Variants in TRPM3 observed in about 807,000 individuals in gnomAD.
The protein encoded by TRPM3 is transient receptor potential cation channel subfamily M member 3.
In TRPM3, 77 loss-of-function variants were observed where a neutral mutation model predicts 181.2. The ratio of observed to expected loss-of-function variants is 0.42; its 90% CI spans 0.35 to 0.51. The LOEUF (loss-of-function observed/expected upper bound fraction) is 0.51. TRPM3 is among the 20% of genes least tolerant of loss of function. TRPM3 has a pLI of 0.01. For synonymous variants in TRPM3, 745 were observed against 796.4 expected (o/e 0.94, Z 1.09); for missense variants, 1,759 against 2,196.7 (o/e 0.80, Z 3.98).
chr9:70,807,720 T>TCCTATA (rs2091010110), intron 6 of TRPM3, among the ~76,000 whole-genome samples: 2 of 152,056 alleles, frequency 1.3e-5, no homozygotes, highest in Non-Finnish European at 2.9e-5. Context: ...TGAAGGCAGA[T>TCCTATA]GGGAGACTAT....
chr9:70,938,670 C>A (rs2096853546), intron 1 of TRPM3, among the ~76,000 whole-genome samples: 1 of 152,006 alleles, frequency 6.6e-6, no homozygotes, highest in Non-Finnish European at 1.5e-5. Context: ...ACATTCATTT[C>A]TTTTGGGCGC....
chr9:71,146,862 A>G (rs2075435772), intron 1 of TRPM3, among the ~76,000 whole-genome samples: 1 of 152,176 alleles, frequency 6.6e-6, no homozygotes, highest in South Asian at 2.1e-4. Flanking sequence ...TAATCATGCA[A>G]CCCAAACTGG....
chr9:71,133,852 CACTT>C (rs2134478219), intron 1 of TRPM3, among the ~76,000 whole-genome samples: 1 of 152,278 alleles, frequency 6.6e-6, no homozygotes, highest in African/African-American at 2.4e-5. Context: ...CACAGACAAA[CACTT>C]ACTTACATAT....
At chr9:70,612,999 TGTG>T (rs1266362334) in intron 18 of TRPM3, among the ~76,000 whole-genome samples, 1 of 152,164 alleles carries the variant, frequency 6.6e-6, no homozygotes, top group Non-Finnish European at 1.5e-5. Context: ...TCTGTGGACT[TGTG>T]GGGACTTTAT....
intron 7 of TRPM3, among the ~76,000 whole-genome samples, chr9:70,764,420 C>T (rs1196082009): frequency 1.3e-5 from 2 of 152,160 alleles, no homozygotes; most frequent in Non-Finnish European, 2.9e-5. Context: ...TTTTCTACTA[C>T]CAACCATCTG....
chr9:71,094,090 TG>T (rs951307047), intron 1 of TRPM3, among the ~76,000 whole-genome samples: 1 of 3,766 alleles, frequency 2.7e-4, no homozygotes, highest in African/African-American at 1.2e-3. Flanking sequence ...CTGTCAGGGG[TG>T]GGGGTGGGGG....
intron 1 of TRPM3, among the ~76,000 whole-genome samples, chr9:71,003,193 TAA>T (rs34024667): frequency 4.6e-5 from 6 of 129,152 alleles, no homozygotes; most frequent in Admixed American, 7.8e-5. Context: ...TCCCTTGCCT[TAA>T]AAAAAAAAAA....
upstream of TRPM3, among the ~76,000 whole-genome samples, chr9:71,122,419 C>G (rs549216744): frequency 6.6e-6 from 1 of 152,190 alleles, no homozygotes; most frequent in Non-Finnish European, 1.5e-5. Flanking sequence ...ACACAACCCC[C>G]CTTCGGCTCC....
chr9:71,157,396 G>A (rs1186192165), intron 1 of TRPM3, among the ~76,000 whole-genome samples: 1 of 152,012 alleles, frequency 6.6e-6, no homozygotes, highest in African/African-American at 2.4e-5. Context: ...AAAGGCTATA[G>A]CTATCATTTT....
intron 8 of TRPM3, among the ~76,000 whole-genome samples, chr9:70,691,636 C>T (rs1316351622): frequency 6.6e-6 from 1 of 152,166 alleles, no homozygotes; most frequent in East Asian, 1.9e-4. Flanking sequence ...TTTAAGAACC[C>T]TGGAGTTTGT....
At chr9:70,836,440 C>A (rs1221918910) in intron 5 of TRPM3, among the ~76,000 whole-genome samples, 1 of 152,168 alleles carries the variant, frequency 6.6e-6, no homozygotes, top group Non-Finnish European at 1.5e-5. Flanking sequence ...CCTCCTGAAC[C>A]CATTGAAAAG....
intron 6 of TRPM3, among the ~76,000 whole-genome samples, chr9:70,803,643 G>T (rs896700660): frequency 8.6e-5 from 13 of 151,662 alleles, no homozygotes; most frequent in African/African-American, 3.1e-4. Context: ...GCAAAGACGG[G>T]GTTTCACCGT....
chr9:70,545,167 GT>G (rs1357159906), intron 25 of TRPM3, among the ~76,000 whole-genome samples: 1 of 152,150 alleles, frequency 6.6e-6, no homozygotes, highest in East Asian at 1.9e-4. Flanking sequence ...TTAAAATTTT[GT>G]TATACTATAT....
intron 1 of TRPM3, among the ~76,000 whole-genome samples, chr9:71,316,135 T>G (rs1179455282): frequency 6.6e-6 from 1 of 152,152 alleles, no homozygotes; most frequent in Non-Finnish European, 1.5e-5. Context: ...ATTAGTTTAT[T>G]TAAATATTGA....
chr9:70,618,823 C>A (rs765074629), intron 17 of TRPM3, 44 bp downstream of exon 17: 1 of 1,561,480 alleles, frequency 6.4e-7, no homozygotes, highest in South Asian at 1.1e-5. Context: ...TCTAACCCAC[C>A]CGCCGGTCCT....
intron 14 of TRPM3, among the ~76,000 whole-genome samples, chr9:70,623,774 A>G (rs762970121): frequency 2.0e-5 from 3 of 152,152 alleles, no homozygotes; most frequent in Non-Finnish European, 4.4e-5. Context: ...AATGGGAAGT[A>G]TGCCCCTAAA....
intron 1 of TRPM3, among the ~76,000 whole-genome samples, chr9:70,924,192 AG>A (rs933628831): frequency 6.6e-6 from 1 of 152,054 alleles, no homozygotes; most frequent in African/African-American, 2.4e-5. Flanking sequence ...TGCACAGAAA[AG>A]CCCCCACATA....
At chr9:70,896,822 C>T (rs867438206) in intron 1 of TRPM3, among the ~76,000 whole-genome samples, 1 of 145,986 alleles carries the variant, frequency 6.8e-6, no homozygotes, top group African/African-American at 2.6e-5. Flanking sequence ...AATGCTTAAA[C>T]CAGGAGATTT....
At chr9:70,954,641 A>G (rs1034977865) in intron 1 of TRPM3, among the ~76,000 whole-genome samples, 2 of 152,142 alleles carry the variant, frequency 1.3e-5, no homozygotes, top group Non-Finnish European at 2.9e-5. Flanking sequence ...AATAAAATCT[A>G]GTTTCACACT....
Sources: allele counts gnomAD v4.1 joint callset (sites outside exome capture counted in the v4.1 genomes callset), GRCh38; gene constraint gnomAD v4.1.1; transcripts MANE v1.5; gene names NCBI Gene and HGNC (gene_info 2026-07-23, HGNC 2026-07-21).